DMD: variants seen among roughly 807,000 people sequenced by gnomAD.
DMD encodes the protein dystrophin.
In DMD, 63 loss-of-function variants were observed where a neutral mutation model predicts 330.1. That is an observed-to-expected ratio of 0.19 (90% CI 0.16 to 0.24). DMD has a LOEUF of 0.24. Ranked by LOEUF, DMD falls within the 10% of genes least tolerant of loss-of-function variation. The pLI is 1.00. For missense variants in DMD, 3,344 were observed against 2,684.1 expected, an observed-to-expected ratio of 1.25 and a Z score of -5.43; for synonymous variants, 1,223 against 959.8, an observed-to-expected ratio of 1.27 and a Z score of -5.07.
At chrX:31,491,930 A>G (rs2069342953) in intron 57 of DMD, among the ~76,000 whole-genome samples, 1 of 112,579 alleles carries the variant, frequency 8.9e-6, no homozygotes. Flanking sequence ...AATGAAAGTG[A>G]AAATGAACAA....
At chrX:31,223,633 G>A (rs1225381515) in intron 63 of DMD, among the ~76,000 whole-genome samples, 1 of 111,570 alleles carries the variant, frequency 9.0e-6, no homozygotes, top group African/African-American at 3.3e-5. Flanking sequence ...TCATCCACAA[G>A]CCCATAAACT....
chrX:32,684,747 C>T (rs959095610), intron 9 of DMD, among the ~76,000 whole-genome samples: 8 of 110,842 alleles, frequency 7.2e-5, no homozygotes, highest in African/African-American at 1.6e-4. Context: ...GATATATGGG[C>T]TTTTTCGCTT....
chrX:31,715,878 C>T (rs5927036), intron 52 of DMD, among the ~76,000 whole-genome samples: 47,461 of 110,156 alleles, frequency 0.43, 8,427 homozygotes, highest in African/African-American at 0.65. Flanking sequence ...AGGGTAATTC[C>T]AGTGATGACT....
Position 31,984,372 on chromosome X carries a change from T to A in DMD, c.6439-15858A>T, listed in dbSNP as rs191194825. On this transcript the variant is annotated intron_variant, in intron 44 of 78. Coordinates refer to ENST00000357033, the MANE Select transcript of DMD (RefSeq NM_004006.3). ...AATGTCATGCTGACATGATTCTTGA[T>A]AATGTATTTAATGGGTAAAGTATGC... Among the ~76,000 whole-genome samples the A allele has an allele frequency of 4.2e-3, 473 of 112,395 alleles. 3 individuals are homozygous for A. Among genetic ancestry groups the A allele is most frequent in the Non-Finnish European group, 6.1e-3 (326 of 53,166 alleles).
chrX:32,478,426 C>T (rs761427047), intron 21 of DMD, among the ~76,000 whole-genome samples: 2 of 111,560 alleles, frequency 1.8e-5, no homozygotes, highest in Non-Finnish European at 3.8e-5. Context: ...AGGCTCCAAA[C>T]TTTATTAAAT....
chrX:31,684,012 A>G lies in DMD; in HGVS notation c.7661-4426T>C, dbSNP rs2082536196. Among the ~76,000 whole-genome samples the G allele has an allele frequency of 2.7e-5, 3 of 111,695 alleles. No homozygotes were observed. The South Asian group carries it at 1.1e-3, about 42-fold the overall frequency. On this transcript the variant is annotated intron_variant, in intron 52 of 78. Coordinates refer to ENST00000357033, the MANE Select transcript of DMD (RefSeq NM_004006.3). ...AAAGACAGCGTTAAATAACTGGTCT[A>G]AGGTCACATAGATAGTGATTGTTAG...
chrX:32,316,419 A>T (rs1382620078), intron 41 of DMD, among the ~76,000 whole-genome samples: 1 of 111,270 alleles, frequency 9.0e-6, no homozygotes, highest in East Asian at 2.8e-4. Flanking sequence ...GCTATACGTT[A>T]TAAAGTCTAA....
At chrX:31,146,543 T>C (rs999636508) in intron 75 of DMD, 129 bp from the exon 76 acceptor site, 15 of 646,552 alleles carry the variant, frequency 2.3e-5, no homozygotes, top group African/African-American at 1.1e-4. Context: ...CTCCCAAAGA[T>C]TGTTTAATTT....
intron 55 of DMD, among the ~76,000 whole-genome samples, chrX:31,509,123 G>A (rs1401068148): frequency 9.0e-6 from 1 of 111,630 alleles, no homozygotes; most frequent in Non-Finnish European, 1.9e-5. Flanking sequence ...TCTCTGAGTA[G>A]TACAAACCAG....
chrX:31,854,381 T>A (rs1337066079), intron 48 of DMD, among the ~76,000 whole-genome samples: 1 of 111,828 alleles, frequency 8.9e-6, no homozygotes, highest in Non-Finnish European at 1.9e-5. Context: ...CTTTTCATAG[T>A]AGGTCAGGAT....
intron 1 of DMD, among the ~76,000 whole-genome samples, chrX:33,123,945 A>C (rs1214355331): frequency 3.7e-5 from 4 of 109,080 alleles, no homozygotes; most frequent in Non-Finnish European, 7.6e-5. Context: ...TGGGCGGATC[A>C]CTTGAGGACA....
In DMD at chrX:32,430,032, G is replaced by C. The variant is rs778129552; in HGVS notation, c.4071+8209C>G. 3.2e-3 allele frequency among the ~76,000 whole-genome samples: 358 copies of C among 110,623 alleles called. 1 individual carries two copies. The highest frequency in any genetic ancestry group is 0.011 in the African/African-American group (348 of 30,513). On this transcript the variant is annotated intron_variant, in intron 29 of 78. Transcript: ENST00000357033. ...TAAAATTTCACTTTTTTTTCACTCT[G>C]ATAATGTCTAATTTCCTCTTACTCT...
chrX:32,666,260 T>C (rs976048723), intron 9 of DMD, among the ~76,000 whole-genome samples: 1 of 110,834 alleles, frequency 9.0e-6, no homozygotes, highest in Non-Finnish European at 1.9e-5. Context: ...TACATAAATA[T>C]ACATGTGCTA....
At chrX:32,686,660 T>A (rs1371911517) in intron 9 of DMD, among the ~76,000 whole-genome samples, 1 of 110,161 alleles carries the variant, frequency 9.1e-6, no homozygotes, top group Admixed American at 9.7e-5. Context: ...ATTATGATGT[T>A]ACAACACTTT....
intron 11 of DMD, among the ~76,000 whole-genome samples, chrX:32,625,365 T>C (rs182475238): frequency 7.2e-5 from 8 of 111,444 alleles, no homozygotes; most frequent in African/African-American, 2.6e-4. Context: ...TTTAACTATA[T>C]TTAATTATAA....
At chrX:32,044,461 G>A (rs772150735) in intron 44 of DMD, among the ~76,000 whole-genome samples, 26 of 107,793 alleles carry the variant, frequency 2.4e-4, no homozygotes, top group African/African-American at 7.4e-4. Context: ...TCGCTCTGTC[G>A]CCCAGGTTGG....
intron 29 of DMD, among the ~76,000 whole-genome samples, chrX:32,424,541 C>T (rs1284540120): frequency 3.6e-5 from 4 of 111,398 alleles, no homozygotes; most frequent in East Asian, 5.7e-4. Context: ...AGATGACACC[C>T]GAAATTGGCT....
At chrX:33,171,303 C>T (rs2049331581) in intron 1 of DMD, among the ~76,000 whole-genome samples, 1 of 110,571 alleles carries the variant, frequency 9.0e-6, no homozygotes, top group South Asian at 3.8e-4. Context: ...ATTTTGACCA[C>T]CTCTCTGGTT....
chrX:31,138,684 A>AGT lies in DMD; in HGVS notation c.10922-4491_10922-4490insAC, dbSNP rs1569324086. 3.5e-5 allele frequency among the ~76,000 whole-genome samples: 3 copies of AGT among 86,379 alleles called. 1 individual carries two copies. Among genetic ancestry groups the AGT allele is most frequent in the African/African-American group, 1.4e-4 (3 of 21,295 alleles). The allele number at this position is 86,379 out of a possible 115,157, so 75.0% of individuals were successfully genotyped here. A position where few individuals can be genotyped will look rare whatever the true frequency, so the allele number is the denominator to read the frequency against. ...GAGAGAGAGAGAGAGAGAGAGAGAG[A>AGT]GAGAAGGGGGAAGTGCCACACACTT... On this transcript the variant is annotated intron_variant, in intron 76 of 78. Coordinates refer to ENST00000357033, the MANE Select transcript of DMD (RefSeq NM_004006.3).
Sources: allele counts gnomAD v4.1 joint callset (sites outside exome capture counted in the v4.1 genomes callset), GRCh38; gene constraint gnomAD v4.1.1; transcripts MANE v1.5; gene names NCBI Gene and HGNC (gene_info 2026-07-23, HGNC 2026-07-21).